The following TMEM171 variants were observed in gnomAD, a reference collection of about 807,000 sequenced individuals.
The protein encoded by TMEM171 is transmembrane protein 171.
TMEM171 carries 16 observed loss-of-function variants against 19.1 expected under a neutral mutation model. That is an observed-to-expected ratio of 0.84 (90% CI 0.57 to 1.27). The LOEUF (loss-of-function observed/expected upper bound fraction) is 1.27. TMEM171 is among the 50% of genes most tolerant of loss of function. TMEM171 has a pLI of 0.00. For synonymous variants in TMEM171, 153 were observed against 163.4 expected (o/e 0.94, Z 0.48); for missense variants, 429 against 412.7 (o/e 1.04, Z -0.34).
intron 2 of TMEM171, among the ~76,000 whole-genome samples, chr5:73,126,859 G>T (rs1166048396): frequency 7.5e-6 from 1 of 133,938 alleles, no homozygotes; most frequent in Admixed American, 7.2e-5. Flanking sequence ...CTTTCACCAG[G>T]CCCCCAGCAG....
At position 73,123,386 on chromosome 5, in the gene TMEM171, G is replaced by T; in HGVS notation, c.13G>T (p.Ala5Ser). The part of the protein sequence containing the change: MSPA[A>S]AAEPDGDQQD... The stretch of plus-strand genomic sequence containing the variant: ...GCCTCTCCTGGACATGTCTCCTGCA[G>T]CTGCTGCTGAGCCAGATGGGGACCA... Residue 5 changes from alanine (A) to serine (S), a missense_variant, in exon 2 of 4, where the codon GCT becomes TCT. Ala to Ser is a moderately conservative substitution (Grantham distance 99). Coordinates refer to ENST00000454765, the MANE Select transcript of TMEM171 (RefSeq NM_173490.8). 2 of 1,612,594 alleles carry T rather than the reference G, an allele frequency of 1.2e-6. No homozygotes were observed. Among genetic ancestry groups the T allele is most frequent in the Non-Finnish European group, 1.7e-6 (2 of 1,178,828 alleles).
In TMEM171 at chr5:73,123,705, A is replaced by T; in HGVS notation, c.332A>T (p.Gln111Leu). ...FICGESRQFAQCLIFGFLFLT... is the reference protein window; with the variant it reads ...FICGESRQFALCLIFGFLFLT... ...TGTGGAGAGAGCCGCCAGTTTGCCC[A>T]GTGCCTTATCTTTGGGTTTCTGTTC... Residue 111 changes from glutamine to leucine, a missense_variant, in exon 2 of 4, where the codon CAG becomes CTG. Transcript: ENST00000454765. The T allele has an allele frequency of 1.2e-6, 2 of 1,614,200 alleles. No individual in the cohort carries two copies. Among genetic ancestry groups the T allele is most frequent in the South Asian group, 1.1e-5 (1 of 91,088 alleles).
chr5:73,130,939 A>G (rs192321046), intron 3 of TMEM171, among the ~76,000 whole-genome samples: 1 of 152,128 alleles, frequency 6.6e-6, no homozygotes, highest in Non-Finnish European at 1.5e-5. Context: ...GCATTAGTTT[A>G]TGTAACTCCC....
intron 3 of TMEM171, among the ~76,000 whole-genome samples, chr5:73,129,435 G>A (rs1744273334): frequency 1.3e-5 from 2 of 152,200 alleles, no homozygotes; most frequent in Admixed American, 6.5e-5. Context: ...CTGCCGAAAG[G>A]TGGGTGTTTG....
intron 2 of TMEM171, among the ~76,000 whole-genome samples, chr5:73,127,645 G>T (rs1432436984): frequency 6.6e-6 from 1 of 150,928 alleles, no homozygotes; most frequent in African/African-American, 2.4e-5. Context: ...GGGTTTCGCC[G>T]TGTTGGCCAG....
intron 3 of TMEM171, among the ~76,000 whole-genome samples, chr5:73,130,475 C>A (rs1744302963): frequency 6.6e-6 from 1 of 152,082 alleles, no homozygotes. Flanking sequence ...GTGCTCATTG[C>A]TGGGGATAGC....
rs1272516697 is a variant in TMEM171 at position 73,128,381 on chromosome 5, T to G, written c.641-9T>G. The G allele has an allele frequency of 6.2e-7, 1 of 1,612,518 alleles. No homozygotes were observed. The highest frequency in any genetic ancestry group is 8.5e-7 in the Non-Finnish European group (1 of 1,179,178). Reference sequence around the variant, plus strand: ...CACCTGTTGTCAACTAAATATTGTTTTGCCTTAGGTGACTCGGTAATAATA... The same window carrying G: ...CACCTGTTGTCAACTAAATATTGTTGTGCCTTAGGTGACTCGGTAATAATA... On this transcript the variant is annotated splice_polypyrimidine_tract_variant and intron_variant, in intron 2 of 3. Transcript: ENST00000454765.
chr5:73,130,484 G>A (rs1216491817), intron 3 of TMEM171, among the ~76,000 whole-genome samples: 1 of 152,152 alleles, frequency 6.6e-6, no homozygotes, highest in Non-Finnish European at 1.5e-5. Flanking sequence ...GCTGGGGATA[G>A]CACCACCTTA....
In TMEM171 at chr5:73,130,913, G is replaced by C. The variant is rs548378594; in HGVS notation, c.783-625G>C. On this transcript the variant is annotated intron_variant, in intron 3 of 3. Coordinates refer to ENST00000454765, the MANE Select transcript of TMEM171 (RefSeq NM_173490.8). ...CTGCTACTATGATTTCTGTGTCCTA[G>C]GGTCTGGCTTTTCTTGCATTAGTTT... Among the ~76,000 whole-genome samples the C allele has an allele frequency of 7.2e-5, 11 of 152,224 alleles. No homozygotes were observed. In the South Asian group the frequency reaches 1.0e-3, roughly 14 times the overall value.
intron 2 of TMEM171, among the ~76,000 whole-genome samples, chr5:73,126,000 ATGT>A (rs1212428271): frequency 6.6e-6 from 1 of 152,170 alleles, no homozygotes; most frequent in Non-Finnish European, 1.5e-5. Flanking sequence ...AGGGGTGTAT[ATGT>A]TGTCTGCTCA....
intron 1 of TMEM171, among the ~76,000 whole-genome samples, chr5:73,122,802 G>A (rs538477585): frequency 6.6e-6 from 1 of 152,326 alleles, no homozygotes; most frequent in South Asian, 2.1e-4. Flanking sequence ...TGGGTCTTTT[G>A]TAGATGTAGC....
chr5:73,127,376 A>ATATATATATATAT (rs1744188021), intron 2 of TMEM171, among the ~76,000 whole-genome samples: 3 of 63,090 alleles, frequency 4.8e-5, no homozygotes, highest in African/African-American at 1.8e-4. Context: ...TGGTAAAAAA[A>ATATATATATATAT]AAAAAAAAAT....
At chr5:73,122,329 A>G (rs1431459592) in intron 1 of TMEM171, among the ~76,000 whole-genome samples, 1 of 152,186 alleles carries the variant, frequency 6.6e-6, no homozygotes, top group Non-Finnish European at 1.5e-5. Context: ...CTGCTGTGCA[A>G]CACTTTCCAG....
chr5:73,121,391 T>G (rs1744004221), intron 1 of TMEM171, among the ~76,000 whole-genome samples: 1 of 152,088 alleles, frequency 6.6e-6, no homozygotes, highest in African/African-American at 2.4e-5. Context: ...AGGAAAAAAA[T>G]TAAAACAACA....
At chr5:73,123,098 A>G (rs1211898508) in intron 1 of TMEM171, among the ~76,000 whole-genome samples, 2 of 152,202 alleles carry the variant, frequency 1.3e-5, no homozygotes, top group African/African-American at 2.4e-5. Context: ...CCTGTTTTGA[A>G]TATCTTGTAA....
intron 3 of TMEM171, among the ~76,000 whole-genome samples, chr5:73,129,203 G>A (rs990465568): frequency 6.6e-6 from 1 of 152,180 alleles, no homozygotes; most frequent in African/African-American, 2.4e-5. Context: ...CTGCTCAAGG[G>A]CCCAGTTCCA....
intron 1 of TMEM171, among the ~76,000 whole-genome samples, chr5:73,121,211 T>G (rs962398134): frequency 6.6e-6 from 1 of 152,186 alleles, no homozygotes; most frequent in Non-Finnish European, 1.5e-5. Context: ...GATTCAGTTT[T>G]GGGCTTCTAT....
In TMEM171 at chr5:73,128,502, C is replaced by A; in HGVS notation, c.753C>A (p.Pro251=). ...GTNSLLPNEN[P]PSYYSIFNYG... ...ACAGTCTGCTTCCGAATGAAAACCCCCCTTCATATTACAGTATTTTCAACT... is the reference window on the plus strand; with the variant it reads ...ACAGTCTGCTTCCGAATGAAAACCCACCTTCATATTACAGTATTTTCAACT... The change falls in exon 3 of 4, where the codon CCC becomes CCA. Residue 251 remains proline, a synonymous_variant. Transcript: ENST00000454765. The A allele has an allele frequency of 6.2e-7, 1 of 1,614,022 alleles. No homozygotes were observed. Among genetic ancestry groups the A allele is most frequent in the Non-Finnish European group, 8.5e-7 (1 of 1,180,026 alleles).
At position 73,127,381 on chromosome 5, in the gene TMEM171, AAAAATATAT is replaced by A. The variant is rs1377586006; in HGVS notation, c.641-1007_641-999del. ...AAAAAATTTGTGGTAAAAAAAAAAA[AAAAATATAT>A]ATATATATATATATATAAAGCATAA... On this transcript the variant is annotated intron_variant, in intron 2 of 3. Transcript: ENST00000454765. Among the ~76,000 whole-genome samples the A allele has an allele frequency of 4.7e-4, 43 of 92,306 alleles. 1 individual carries two copies. Among genetic ancestry groups the A allele is most frequent in the African/African-American group, 1.9e-3 (42 of 22,454 alleles). The allele number at this position is 92,306 out of a possible 152,430, so 60.6% of individuals were successfully genotyped here.
Sources: gnomAD v4.1 joint callset for allele counts (sites outside exome capture counted in the v4.1 genomes callset) on GRCh38, gnomAD v4.1.1 for gene constraint, MANE v1.5 for transcripts, NCBI Gene and HGNC (gene_info 2026-07-23, HGNC 2026-07-21) for gene names.